ARHGAP42: variants seen among roughly 807,000 people sequenced by gnomAD.
ARHGAP42 encodes the protein Rho GTPase activating protein 42, also known as rho GTPase-activating protein 42.
A neutral mutation model predicts 125.0 loss-of-function variants in ARHGAP42; 63 were observed. The observed-to-expected ratio is 0.50, with a 90% CI of 0.41 to 0.62. ARHGAP42 has a LOEUF of 0.62. Ranked by LOEUF, ARHGAP42 falls within the 20% of genes least tolerant of loss-of-function variation. The probability of loss-of-function intolerance (pLI) is 0.00; values close to 1 mark genes in which losing one functional copy is unlikely to be tolerated. For synonymous variants in ARHGAP42, 339 were observed against 351.0 expected (o/e 0.97, Z 0.38); for missense variants, 766 against 1,024.2 (o/e 0.75, Z 3.44).
chr11:100,900,452 C>G (rs929190936), intron 4 of ARHGAP42, among the ~76,000 whole-genome samples: 1 of 152,120 alleles, frequency 6.6e-6, no homozygotes, highest in Admixed American at 6.5e-5. Flanking sequence ...GAATGTGGCC[C>G]TGCCTTGCTA....
chr11:100,896,205 G>C (rs1023032976), intron 4 of ARHGAP42, among the ~76,000 whole-genome samples: 2 of 151,792 alleles, frequency 1.3e-5, no homozygotes, highest in East Asian at 3.9e-4. Context: ...GTATTCCATG[G>C]TGTATGTGTG....
At chr11:100,852,373 G>A (rs1006950516) in intron 3 of ARHGAP42, among the ~76,000 whole-genome samples, 1 of 152,066 alleles carries the variant, frequency 6.6e-6, no homozygotes, top group South Asian at 2.1e-4. Flanking sequence ...TTTTAAACTT[G>A]CAAAGGCTAT....
At chr11:100,889,967 C>T (rs1035558739) in intron 4 of ARHGAP42, among the ~76,000 whole-genome samples, 2 of 152,134 alleles carry the variant, frequency 1.3e-5, no homozygotes, top group African/African-American at 2.4e-5. Flanking sequence ...TGGACTTTGC[C>T]ACAGTAGGCA....
chr11:100,769,319 G>A (rs1225375523), intron 1 of ARHGAP42, among the ~76,000 whole-genome samples: 1 of 152,162 alleles, frequency 6.6e-6, no homozygotes, highest in Non-Finnish European at 1.5e-5. Context: ...GTGGGGCTTG[G>A]ATTTCCACCC....
chr11:100,960,714 A>G (rs539548544), intron 13 of ARHGAP42, among the ~76,000 whole-genome samples: 21 of 152,270 alleles, frequency 1.4e-4, no homozygotes, highest in African/African-American at 4.1e-4. Flanking sequence ...AAGATCTTCA[A>G]AGACTTTCAA....
intron 22 of ARHGAP42, among the ~76,000 whole-genome samples, chr11:100,983,862 G>A (rs1858605688): frequency 6.6e-6 from 1 of 152,176 alleles, no homozygotes; most frequent in Admixed American, 6.5e-5. Context: ...AACTAGGCTG[G>A]GCATGGTGGC....
At chr11:100,983,729 C>A (rs1469083593) in intron 22 of ARHGAP42, among the ~76,000 whole-genome samples, 1 of 152,122 alleles carries the variant, frequency 6.6e-6, no homozygotes, top group Non-Finnish European at 1.5e-5. Context: ...ACTCTACAGG[C>A]TCAGGTGGAA....
intron 1 of ARHGAP42, among the ~76,000 whole-genome samples, chr11:100,692,708 G>T (rs1309871531): frequency 6.6e-6 from 1 of 152,200 alleles, no homozygotes; most frequent in Non-Finnish European, 1.5e-5. Flanking sequence ...TAAGGCATTA[G>T]CCAGAGGAGA....
At chr11:100,870,776 G>C (rs117806452) in intron 4 of ARHGAP42, among the ~76,000 whole-genome samples, 1 of 152,014 alleles carries the variant, frequency 6.6e-6, no homozygotes, top group Admixed American at 6.6e-5. Flanking sequence ...ATTTGGAATC[G>C]GTAGATTTGT....
intron 12 of ARHGAP42, 156 bp from the exon 13 acceptor site, chr11:100,959,727 C>T: frequency 1.6e-6 from 1 of 634,490 alleles, no homozygotes; most frequent in East Asian, 2.8e-5. Flanking sequence ...TCTACTTCTA[C>T]CCCAAAATAA....
chr11:100,713,431 T>A (rs1766491342), intron 1 of ARHGAP42, among the ~76,000 whole-genome samples: 1 of 152,222 alleles, frequency 6.6e-6, no homozygotes, highest in Admixed American at 6.5e-5. Flanking sequence ...TGATCCTCTG[T>A]ACAACCTACA....
chr11:100,735,444 C>A (rs1862046498), intron 1 of ARHGAP42, among the ~76,000 whole-genome samples: 1 of 151,938 alleles, frequency 6.6e-6, no homozygotes, highest in Non-Finnish European at 1.5e-5. Context: ...TCTAGTTTTA[C>A]AGGGGCTTTA....
rs141912887 is a variant in ARHGAP42 at position 100,827,465 on chromosome 11, C to T, written c.313-32089C>T. 2.4e-3 allele frequency among the ~76,000 whole-genome samples: 367 copies of T among 152,312 alleles called. 3 individuals carry two copies. Among genetic ancestry groups the T allele is most frequent in the African/African-American group, 8.2e-3 (340 of 41,580 alleles). ...CATGTGGAAAAGACAGCACAACTTG[C>T]AGCAGGTGGCTGCATTCCTAACCCA... On this transcript the variant is annotated intron_variant, in intron 3 of 23. Coordinates refer to ENST00000298815, the MANE Select transcript of ARHGAP42 (RefSeq NM_152432.4).
intron 1 of ARHGAP42, among the ~76,000 whole-genome samples, chr11:100,766,431 T>TA (rs1390495285): frequency 1.3e-5 from 2 of 152,202 alleles, no homozygotes; most frequent in African/African-American, 2.4e-5. Context: ...CAACAAATTT[T>TA]AAAATTTATT....
chr11:100,815,969 T>A (rs1458687899), intron 3 of ARHGAP42, among the ~76,000 whole-genome samples: 1 of 152,228 alleles, frequency 6.6e-6, no homozygotes, highest in Non-Finnish European at 1.5e-5. Flanking sequence ...TGTTGTAGCA[T>A]GCGTCAGAAT....
At chr11:100,871,742 G>T (rs2135159881) in intron 4 of ARHGAP42, among the ~76,000 whole-genome samples, 1 of 152,134 alleles carries the variant, frequency 6.6e-6, no homozygotes, top group African/African-American at 2.4e-5. Context: ...TCACTGTTAG[G>T]TTCATTTGTT....
chr11:100,988,892 C>T lies in ARHGAP42; in HGVS notation c.*91C>T, dbSNP rs1467945926. 1.4e-5 allele frequency: 13 copies of T among 898,958 alleles called. No homozygotes were observed. Among genetic ancestry groups the T allele is most frequent in the Non-Finnish European group, 2.0e-5 (12 of 602,896 alleles). The allele number at this position is 898,958 out of a possible 1,614,324, so 55.7% of individuals were successfully genotyped here. The stretch of plus-strand genomic sequence containing the variant: ...CTGACACAGATACACGGGGATCAGC[C>T]CACTAAGTGAAAACAGTCAATTTCT... On this transcript the variant is annotated 3_prime_UTR_variant, in exon 24 of 24. Coordinates refer to ENST00000298815, the MANE Select transcript of ARHGAP42 (RefSeq NM_152432.4).
intron 7 of ARHGAP42, among the ~76,000 whole-genome samples, chr11:100,935,111 A>G (rs935551562): frequency 2.0e-5 from 3 of 150,860 alleles, no homozygotes; most frequent in African/African-American, 7.3e-5. Flanking sequence ...TGAAAGTGAC[A>G]AGAAAATTTT....
intron 12 of ARHGAP42, among the ~76,000 whole-genome samples, chr11:100,956,403 TTTCACTCTGGA>T (rs1479047387): frequency 6.6e-6 from 1 of 152,130 alleles, no homozygotes; most frequent in African/African-American, 2.4e-5. Flanking sequence ...TCAACATTGT[TTTCACTCTGGA>T]ACTTGAGTTG....
Sources: gnomAD v4.1 joint callset for allele counts (sites outside exome capture counted in the v4.1 genomes callset) on GRCh38, gnomAD v4.1.1 for gene constraint, MANE v1.5 for transcripts, NCBI Gene and HGNC (gene_info 2026-07-23, HGNC 2026-07-21) for gene names.